AP2A2: variants seen among roughly 807,000 people sequenced by gnomAD.
AP2A2 encodes the protein adaptor related protein complex 2 subunit alpha 2, also known as AP-2 complex subunit alpha-2.
AP2A2 carries 32 observed loss-of-function variants against 104.2 expected under a neutral mutation model. The ratio of observed to expected loss-of-function variants is 0.31; its 90% CI spans 0.23 to 0.41. AP2A2 has a LOEUF of 0.41. Among genes scored for constraint, AP2A2 ranks in the 10% least tolerant of loss-of-function variants. AP2A2 has a pLI of 1.00. For synonymous variants in AP2A2, 539 were observed against 533.3 expected, an observed-to-expected ratio of 1.01 and a Z score of -0.15; for missense variants, 912 against 1,261.0, an observed-to-expected ratio of 0.72 and a Z score of 4.19.
At chr11:928,539 A>G (rs1474242046) in intron 1 of AP2A2, among the ~76,000 whole-genome samples, 1 of 152,238 alleles carries the variant, frequency 6.6e-6, no homozygotes, top group Non-Finnish European at 1.5e-5. Context: ...TTGGGGCTGG[A>G]TCACACTTTA....
chr11:978,470 G>C (rs1855128572), intron 5 of AP2A2, among the ~76,000 whole-genome samples: 1 of 152,206 alleles, frequency 6.6e-6, no homozygotes, highest in Non-Finnish European at 1.5e-5. Context: ...TACTTGGTTT[G>C]CTTTTTGTAT....
chr11:984,902 G>T lies in AP2A2; in HGVS notation c.814+149G>T, dbSNP rs373187584. On this transcript the variant is annotated intron_variant, in intron 7 of 21. Transcript: ENST00000448903. ...CCTTTCTGCCAGTGCTGCTGTATGC[G>T]CTGGCTTTCGTGGAGCAGTTATTGC... is the stretch of plus-strand genomic sequence containing the variant. The T allele has an allele frequency of 5.8e-5, 41 of 702,304 alleles. 3 individuals are homozygous for T. The highest frequency in any genetic ancestry group is 2.1e-4 in the East Asian group (8 of 38,076). 43.5% of individuals were successfully genotyped at this position (702,304 alleles called of 1,614,324 possible). A position where few individuals can be genotyped will look rare whatever the true frequency, so the allele number is the denominator to read the frequency against.
intron 2 of AP2A2, among the ~76,000 whole-genome samples, chr11:969,366 A>G (rs1316651247): frequency 6.6e-6 from 1 of 150,728 alleles, no homozygotes; most frequent in East Asian, 2.0e-4. Flanking sequence ...AGTAGCTGGG[A>G]TTACAGGCAT....
At chr11:1,008,516 G>A (rs1305658909) in intron 18 of AP2A2, 2 of 229,992 alleles carry the variant, frequency 8.7e-6, no homozygotes, top group African/African-American at 2.3e-5. Context: ...CCTGGGGGGC[G>A]CGTTTTTTGC....
chr11:959,912 G>A (rs1332998543), intron 2 of AP2A2, among the ~76,000 whole-genome samples: 1 of 152,244 alleles, frequency 6.6e-6, no homozygotes, highest in East Asian at 1.9e-4. Flanking sequence ...CAGTGTGTGG[G>A]CTGAGTGCCT....
At chr11:986,156 A>C (rs1855448190) in intron 8 of AP2A2, among the ~76,000 whole-genome samples, 1 of 152,224 alleles carries the variant, frequency 6.6e-6, no homozygotes, top group African/African-American at 2.4e-5. Flanking sequence ...ATGAGATCGC[A>C]GTTCTCACCA....
chr11:1,011,337 C>T lies in AP2A2; in HGVS notation c.*712C>T, dbSNP rs1251242561. 4 of 518,550 alleles carry T rather than the reference C, an allele frequency of 7.7e-6. No homozygotes were observed. The highest frequency in any genetic ancestry group is 1.5e-5 in the Non-Finnish European group (4 of 259,798). The allele number at this position is 518,550 out of a possible 1,614,324, so 32.1% of individuals were successfully genotyped here. A position where few individuals can be genotyped will look rare whatever the true frequency, so the allele number is the denominator to read the frequency against. ...GAGCGTCCTGCCGGCCCCGCAGGGC[C>T]CCCAGGACTCCAGGGTAAAGTGTGG... On this transcript the variant is annotated 3_prime_UTR_variant, in exon 22 of 22. Transcript: ENST00000448903.
Position 1,011,484 on chromosome 11 carries a change from G to A in AP2A2, c.*859G>A. On this transcript the variant is annotated 3_prime_UTR_variant, in exon 22 of 22. Transcript: ENST00000448903. The stretch of plus-strand genomic sequence containing the variant: ...GTCCAGTCGTCCCTGGAGGGGCTGT[G>A]GAGGAGGGACGCCTCTGTGTGGTCA... The A allele has an allele frequency of 2.0e-6, 1 of 498,840 alleles. No individual in the cohort carries two copies. The highest frequency in any genetic ancestry group is 4.0e-6 in the Non-Finnish European group (1 of 250,134). The allele number at this position is 498,840 out of a possible 1,614,324, so 30.9% of individuals were successfully genotyped here.
chr11:942,107 T>C (rs959396175), intron 1 of AP2A2, among the ~76,000 whole-genome samples: 5 of 152,132 alleles, frequency 3.3e-5, no homozygotes, highest in Non-Finnish European at 7.3e-5. Context: ...TTTGTATTTT[T>C]AGTAGAGAGG....
At chr11:950,694 A>C (rs989576157) in intron 1 of AP2A2, among the ~76,000 whole-genome samples, 1 of 152,182 alleles carries the variant, frequency 6.6e-6, no homozygotes, top group Non-Finnish European at 1.5e-5. Context: ...TGAAATGGCA[A>C]CCTGAGAATG....
intron 5 of AP2A2, 127 bp downstream of exon 5, chr11:977,351 C>T (rs999641192): frequency 7.4e-5 from 95 of 1,283,484 alleles, no homozygotes; most frequent in Non-Finnish European, 8.7e-5. Flanking sequence ...GCTGTGGCTG[C>T]GTGCTGAGGC....
At position 993,524 on chromosome 11, in the gene AP2A2, C is replaced by T. The variant is rs1855734723; in HGVS notation, c.1550+143C>T. On this transcript the variant is annotated intron_variant, in intron 12 of 21. Transcript: ENST00000448903. The surrounding 1 kb of genome is among the most constrained non-coding windows in gnomAD (Gnocchi z 8.2). Reference sequence around the variant, plus strand: ...TCCCCATCGGCGTCTTTTTGTTTTCCTTCAGTTGATAGAAAAAGCAGGGAT... The same window carrying T: ...TCCCCATCGGCGTCTTTTTGTTTTCTTTCAGTTGATAGAAAAAGCAGGGAT... 1.1e-5 allele frequency: 8 copies of T among 697,238 alleles called. No homozygotes were observed. The highest frequency in any genetic ancestry group is 3.1e-5 in the Admixed American group (1 of 31,888). 43.2% of individuals were successfully genotyped at this position (697,238 alleles called of 1,614,324 possible). A position where few individuals can be genotyped will look rare whatever the true frequency, so the allele number is the denominator to read the frequency against.
At chr11:988,907 A>G (rs867626762) in intron 10 of AP2A2, 5 of 605,278 alleles carry the variant, frequency 8.3e-6, no homozygotes, top group Middle Eastern at 8.5e-4. Flanking sequence ...AGGCGGGAGG[A>G]TCACCTGAGG....
In AP2A2 at chr11:1,008,008, G is replaced by T; in HGVS notation, c.2297-4G>T. On this transcript the variant is annotated splice_polypyrimidine_tract_variant and splice_region_variant and intron_variant, in intron 17 of 21. Transcript: ENST00000448903. ...TGCTCAGCTGGATTCCTTAACGCAC[G>T]CACACCTGAACCTGCAGACCAAGCC... 1 of 1,555,454 alleles carries T rather than the reference G, an allele frequency of 6.4e-7. No individual in the cohort carries two copies. The highest frequency in any genetic ancestry group is 1.2e-5 in the South Asian group (1 of 84,348).
chr11:978,879 C>G (rs529934240), intron 5 of AP2A2, among the ~76,000 whole-genome samples: 2 of 152,280 alleles, frequency 1.3e-5, no homozygotes, highest in African/African-American at 4.8e-5. Context: ...GCGGTCAGGC[C>G]TGCGCCCGGA....
intron 6 of AP2A2, among the ~76,000 whole-genome samples, chr11:983,598 T>G (rs550355977): frequency 6.6e-6 from 1 of 151,960 alleles, no homozygotes; most frequent in Non-Finnish European, 1.5e-5. Context: ...TTAGCCAGGA[T>G]GGTCTCGATC....
rs866608509 is a variant in AP2A2, at chr11:974,782, C to T, written c.474-2313C>T. The stretch of plus-strand genomic sequence containing the variant: ...CGGGCAGATCATGAGTTCAAGAGCT[C>T]GAGACCATCCTGGCCAACATGGTGA... On this transcript the variant is annotated intron_variant, in intron 4 of 21. Coordinates refer to ENST00000448903, the MANE Select transcript of AP2A2 (RefSeq NM_012305.4). Among the ~76,000 whole-genome samples the T allele has an allele frequency of 6.0e-5, 9 of 149,464 alleles. No individual in the cohort carries two copies. In the South Asian group the frequency reaches 1.3e-3, roughly 21 times the overall value.
chr11:990,992 C>T (rs1366626113), intron 10 of AP2A2, among the ~76,000 whole-genome samples: 1 of 147,720 alleles, frequency 6.8e-6, no homozygotes, highest in African/African-American at 2.5e-5. Context: ...TCCCCTCCGT[C>T]CTTTTAGCCG....
At chr11:973,433 G>T (rs898744209) in intron 4 of AP2A2, among the ~76,000 whole-genome samples, 1 of 152,294 alleles carries the variant, frequency 6.6e-6, no homozygotes, top group South Asian at 2.1e-4. Context: ...GCAAGGAGGA[G>T]CCCGGCTGGC....
Sources: allele counts gnomAD v4.1 joint callset (sites outside exome capture counted in the v4.1 genomes callset), GRCh38; gene constraint gnomAD v4.1.1; non-coding constraint Gnocchi (gnomAD v3.1); transcripts MANE v1.5; gene names NCBI Gene and HGNC (gene_info 2026-07-23, HGNC 2026-07-21).